UGT1A10: variants seen among roughly 807,000 people sequenced by gnomAD.
UGT1A10 encodes the protein UDP-glucuronosyltransferase 1A10.
A neutral mutation model predicts 45.8 loss-of-function variants in UGT1A10; 49 were observed. The observed-to-expected ratio is 1.07, with a 90% CI of 0.85 to 1.36. UGT1A10 has a LOEUF of 1.36. Among genes scored for constraint, UGT1A10 ranks in the 40% most tolerant of loss-of-function variants. The pLI is 0.00. For synonymous variants in UGT1A10, 284 were observed against 249.7 expected (o/e 1.14, Z -1.29); for missense variants, 745 against 668.6 (o/e 1.11, Z -1.26).
At chr2:233,661,597 C>G (rs948798053) in intron 1 of UGT1A10, among the ~76,000 whole-genome samples, 2 of 145,708 alleles carry the variant, frequency 1.4e-5, no homozygotes, top group Non-Finnish European at 3.1e-5. Flanking sequence ...AGCCTGCTGG[C>G]ATCACTGCAG....
chr2:233,637,093 C>A lies in UGT1A10; in HGVS notation c.571C>A (p.Pro191Thr), dbSNP rs747047969. ...AQCPAPLSYV[P>T]NDLLGFSDAM... ...GTGCCCTGCTCCTCTTTCCTATGTC[C>A]CCAATGATCTCTTAGGGTTCTCAGA... The change falls in exon 1 of 5, where the codon CCC becomes ACC. Residue 191 changes from proline to threonine, a missense_variant. Coordinates refer to ENST00000344644, the MANE Select transcript of UGT1A10 (RefSeq NM_019075.4). 2 of 1,613,910 alleles carry A rather than the reference C, an allele frequency of 1.2e-6. No individual in the cohort carries two copies. The highest frequency in any genetic ancestry group is 1.7e-6 in the Non-Finnish European group (2 of 1,179,860).
intron 1 of UGT1A10, among the ~76,000 whole-genome samples, chr2:233,669,524 T>C (rs976691898): frequency 6.6e-6 from 1 of 152,206 alleles, no homozygotes; most frequent in African/African-American, 2.4e-5. Flanking sequence ...TTGTCAGATT[T>C]ATCTGTTAGT....
intron 1 of UGT1A10, among the ~76,000 whole-genome samples, chr2:233,669,606 G>T (rs2074140818): frequency 6.6e-6 from 1 of 152,034 alleles, no homozygotes; most frequent in South Asian, 2.1e-4. Flanking sequence ...TAGTACATTT[G>T]ACCCTTGAAG....
At chr2:233,771,667 A>C (rs1238919275) in intron 4 of UGT1A10, 1 of 152,440 alleles carries the variant, frequency 6.6e-6, no homozygotes, top group African/African-American at 2.4e-5. Flanking sequence ...AATTTCTCAC[A>C]AAATATCACT....
intron 1 of UGT1A10, among the ~76,000 whole-genome samples, chr2:233,766,325 G>C (rs574966930): frequency 6.6e-6 from 1 of 152,110 alleles, no homozygotes; most frequent in African/African-American, 2.4e-5. Flanking sequence ...GCCAAACTCC[G>C]CGTTGTTCTG....
At chr2:233,675,103 T>C (rs113999124) in intron 1 of UGT1A10, among the ~76,000 whole-genome samples, 28 of 152,210 alleles carry the variant, frequency 1.8e-4, no homozygotes, top group African/African-American at 6.5e-4. Context: ...GGGGATTTTC[T>C]TGAAGGTCTC....
chr2:233,718,785 G>T (rs544842461), intron 1 of UGT1A10: 1 of 1,612,968 alleles, frequency 6.2e-7, no homozygotes, highest in South Asian at 1.1e-5. Context: ...GGCACAGCGT[G>T]GGGTGGACAG....
intron 1 of UGT1A10, among the ~76,000 whole-genome samples, chr2:233,761,782 A>G (rs1423318285): frequency 1.3e-5 from 2 of 152,218 alleles, no homozygotes; most frequent in African/African-American, 4.8e-5. Context: ...ATCCTCATCG[A>G]AATCTCAGCA....
intron 1 of UGT1A10, among the ~76,000 whole-genome samples, chr2:233,730,325 C>G (rs532901219): frequency 2.0e-5 from 3 of 152,132 alleles, no homozygotes; most frequent in Non-Finnish European, 4.4e-5. Flanking sequence ...AACAGGGACA[C>G]TACGTTTGGA....
chr2:233,698,288 A>C (rs936526047), intron 1 of UGT1A10, among the ~76,000 whole-genome samples: 8 of 152,256 alleles, frequency 5.3e-5, no homozygotes, highest in African/African-American at 1.9e-4. Context: ...CTATGAAAAA[A>C]AATGTGTCTT....
intron 1 of UGT1A10, among the ~76,000 whole-genome samples, chr2:233,724,089 A>G (rs1195577143): frequency 1.0e-5 from 1 of 98,852 alleles, no homozygotes; most frequent in Non-Finnish European, 1.9e-5. Flanking sequence ...GGGGCTCCTC[A>G]CTTCCCAGTA....
chr2:233,698,867 T>C (rs2075466274), intron 1 of UGT1A10, among the ~76,000 whole-genome samples: 1 of 152,248 alleles, frequency 6.6e-6, no homozygotes. Context: ...GGTGTGACTT[T>C]GCGACTTTGA....
intron 1 of UGT1A10, among the ~76,000 whole-genome samples, chr2:233,703,256 A>G (rs1298861474): frequency 6.6e-6 from 1 of 152,138 alleles, no homozygotes; most frequent in Non-Finnish European, 1.5e-5. Context: ...GTGTTCCCTT[A>G]TAATACTTTC....
At chr2:233,656,309 G>C (rs1390650139) in intron 1 of UGT1A10, among the ~76,000 whole-genome samples, 2 of 152,186 alleles carry the variant, frequency 1.3e-5, no homozygotes, top group Admixed American at 1.3e-4. Flanking sequence ...CCGTAAACTG[G>C]CCAGAACCAG....
chr2:233,691,641 G>A (rs570719818), intron 1 of UGT1A10: 1 of 985,540 alleles, frequency 1.0e-6, no homozygotes, highest in South Asian at 4.7e-5. Flanking sequence ...AGCAGGCAGG[G>A]CCAGTGTGAC....
chr2:233,763,577 T>C (rs1698349758), intron 1 of UGT1A10, among the ~76,000 whole-genome samples: 1 of 152,236 alleles, frequency 6.6e-6, no homozygotes, highest in African/African-American at 2.4e-5. Context: ...TATTTTCTCT[T>C]TCTTCCTTTG....
At chr2:233,713,156 C>T in intron 1 of UGT1A10, 1 of 1,614,194 alleles carries the variant, frequency 6.2e-7, no homozygotes. Context: ...ATGCGAGAGG[C>T]CACCAGGTGG....
intron 1 of UGT1A10, chr2:233,753,700 T>A (rs1032888616): frequency 6.6e-6 from 1 of 152,228 alleles, no homozygotes; most frequent in African/African-American, 2.4e-5. Context: ...CAGATGCACT[T>A]GGCTTTCATC....
chr2:233,640,500 A>C (rs1228518691), intron 1 of UGT1A10, among the ~76,000 whole-genome samples: 8 of 152,304 alleles, frequency 5.3e-5, no homozygotes, highest in African/African-American at 1.4e-4. Context: ...TAATTAATTT[A>C]CCTCCAATTG....
Sources: allele counts gnomAD v4.1 joint callset (sites outside exome capture counted in the v4.1 genomes callset), GRCh38; gene constraint gnomAD v4.1.1; transcripts MANE v1.5; gene names NCBI Gene and HGNC (gene_info 2026-07-23, HGNC 2026-07-21).